The following SYT1 variants were observed in gnomAD, a reference collection of about 807,000 sequenced individuals.
SYT1 encodes the protein synaptotagmin 1.
A neutral mutation model predicts 44.8 loss-of-function variants in SYT1; 8 were observed. That is an observed-to-expected ratio of 0.18 (90% CI 0.10 to 0.32). SYT1 has a LOEUF of 0.32. SYT1 is among the 10% of genes least tolerant of loss of function. The pLI is 1.00. For synonymous variants in SYT1, 154 were observed against 188.8 expected (o/e 0.82, Z 1.51); for missense variants, 286 against 509.3 (o/e 0.56, Z 4.22).
intron 9 of SYT1, among the ~76,000 whole-genome samples, chr12:79,404,190 C>A (rs1885165228): frequency 6.6e-6 from 1 of 152,120 alleles, no homozygotes; most frequent in African/African-American, 2.4e-5. Flanking sequence ...CCAGAGCAGT[C>A]TAATTGCTGT....
chr12:79,196,359 G>T (rs1181322466), intron 3 of SYT1, among the ~76,000 whole-genome samples: 1 of 151,946 alleles, frequency 6.6e-6, no homozygotes, highest in East Asian at 1.9e-4. Context: ...CTAGAGATGG[G>T]GTTTCACCAT....
chr12:79,083,723 G>A (rs1877192992), intron 3 of SYT1, among the ~76,000 whole-genome samples: 1 of 151,958 alleles, frequency 6.6e-6, no homozygotes, highest in Non-Finnish European at 1.5e-5. Flanking sequence ...AAATTATGTG[G>A]AGATGTAATA....
intron 3 of SYT1, among the ~76,000 whole-genome samples, chr12:79,173,720 C>T (rs1368680657): frequency 1.3e-5 from 2 of 152,062 alleles, no homozygotes; most frequent in African/African-American, 4.8e-5. Context: ...TGTAAAACGT[C>T]CAGAAGAAAT....
chr12:78,941,394 TACACACACACACACACACACAC>T (rs71441941), intron 1 of SYT1, among the ~76,000 whole-genome samples: 2,788 of 143,792 alleles, frequency 0.019, 29 homozygotes, highest in Non-Finnish European at 0.03. Context: ...TAATAGAATC[TACACACACACACACACACACAC>T]ACACACACAC....
chr12:79,431,513 A>T (rs4842452), intron 9 of SYT1, among the ~76,000 whole-genome samples: 12,247 of 142,628 alleles, frequency 0.086, 786 homozygotes, highest in Non-Finnish European at 0.13. Context: ...ATTTTATTTT[A>T]TTATTTATTT....
intron 2 of SYT1, among the ~76,000 whole-genome samples, chr12:79,012,047 G>A (rs563635985): frequency 1.3e-5 from 2 of 150,470 alleles, no homozygotes; most frequent in South Asian, 4.2e-4. Context: ...CAGGAGAATT[G>A]CTTGAATCCA....
At chr12:79,334,857 T>C (rs1027137172) in intron 8 of SYT1, among the ~76,000 whole-genome samples, 1 of 152,218 alleles carries the variant, frequency 6.6e-6, no homozygotes, top group Non-Finnish European at 1.5e-5. Flanking sequence ...GGTCAGGTTA[T>C]GTTTAACCAG....
chr12:79,345,322 A>AGTTCT (rs58426508), intron 8 of SYT1, among the ~76,000 whole-genome samples: 17,435 of 152,142 alleles, frequency 0.11, 1,725 homozygotes, highest in African/African-American at 0.28. Flanking sequence ...CCCTCTCCTT[A>AGTTCT]GTTACTAGAC....
chr12:78,898,646 G>A (rs1875493162), intron 1 of SYT1, among the ~76,000 whole-genome samples: 1 of 152,158 alleles, frequency 6.6e-6, no homozygotes, highest in South Asian at 2.1e-4. Context: ...TGCAACCTCA[G>A]ACAAGAATGG....
At chr12:78,924,054 T>G (rs1877162092) in intron 1 of SYT1, among the ~76,000 whole-genome samples, 1 of 151,970 alleles carries the variant, frequency 6.6e-6, no homozygotes, top group Non-Finnish European at 1.5e-5. Flanking sequence ...TATAAGCCAG[T>G]TATTTTGTAA....
At chr12:79,159,393 C>T (rs889074069) in intron 3 of SYT1, among the ~76,000 whole-genome samples, 1 of 152,074 alleles carries the variant, frequency 6.6e-6, no homozygotes, top group Non-Finnish European at 1.5e-5. Flanking sequence ...AGTAGTCCCC[C>T]CTTATCTGTG....
intron 1 of SYT1, among the ~76,000 whole-genome samples, chr12:78,964,435 G>T (rs1273049699): frequency 8.6e-5 from 13 of 152,026 alleles, no homozygotes; most frequent in Admixed American, 8.5e-4. Flanking sequence ...AAAATTTAGG[G>T]TTACTGCATT....
intron 4 of SYT1, among the ~76,000 whole-genome samples, chr12:79,271,380 G>A (rs1878417114): frequency 6.6e-6 from 1 of 152,108 alleles, no homozygotes; most frequent in Non-Finnish European, 1.5e-5. Flanking sequence ...CTTCACAATA[G>A]TTGTATCCCT....
intron 3 of SYT1, among the ~76,000 whole-genome samples, chr12:79,195,201 G>C (rs571494432): frequency 6.6e-6 from 1 of 152,286 alleles, no homozygotes; most frequent in East Asian, 1.9e-4. Flanking sequence ...TGTCAGTGTA[G>C]TAGCAGCTTA....
chr12:79,407,475 G>T (rs1334830189), intron 9 of SYT1, among the ~76,000 whole-genome samples: 6 of 152,078 alleles, frequency 3.9e-5, no homozygotes, highest in Non-Finnish European at 8.8e-5. Flanking sequence ...ACCACCATTT[G>T]TTGGGAAGGC....
intron 4 of SYT1, among the ~76,000 whole-genome samples, chr12:79,279,034 A>G (rs1003514781): frequency 3.3e-5 from 5 of 151,386 alleles, no homozygotes; most frequent in African/African-American, 1.2e-4. Flanking sequence ...AAAACCTCAC[A>G]ACAAAGAAAA....
At chr12:79,228,777 C>G (rs1475754601) in intron 4 of SYT1, among the ~76,000 whole-genome samples, 1 of 152,188 alleles carries the variant, frequency 6.6e-6, no homozygotes, top group Non-Finnish European at 1.5e-5. Context: ...GAACGTCTCT[C>G]AAAACCAGCC....
intron 2 of SYT1, among the ~76,000 whole-genome samples, chr12:79,023,779 ATCTC>A (rs745664885): frequency 5.4e-4 from 81 of 150,494 alleles, no homozygotes; most frequent in Non-Finnish European, 1.6e-4. Context: ...TTATTATTCC[ATCTC>A]TCTCTCTCTC....
chr12:79,284,709 T>C (rs1346384366), intron 4 of SYT1, among the ~76,000 whole-genome samples: 1 of 151,782 alleles, frequency 6.6e-6, no homozygotes, highest in Non-Finnish European at 1.5e-5. Flanking sequence ...CATGGTGGCG[T>C]GTGCCTGAAG....
Sources: allele counts gnomAD v4.1 joint callset (sites outside exome capture counted in the v4.1 genomes callset), GRCh38; gene constraint gnomAD v4.1.1; transcripts MANE v1.5; gene names NCBI Gene and HGNC (gene_info 2026-07-23, HGNC 2026-07-21).